CAPN10: variants seen among roughly 807,000 people sequenced by gnomAD.
CAPN10 encodes the protein calpain 10.
Under a neutral mutation model 78.4 loss-of-function variants are expected in CAPN10, and 71 were observed. That is an observed-to-expected ratio of 0.91 (90% confidence interval 0.75 to 1.10). The LOEUF (loss-of-function observed/expected upper bound fraction) is 1.10. Ranked by LOEUF, CAPN10 falls within the 50% of genes least tolerant of loss-of-function variation. CAPN10 has a pLI of 0.00. For missense variants in CAPN10, 849 were observed against 924.6 expected, an observed-to-expected ratio of 0.92 and a Z score of 1.06; for synonymous variants, 437 against 407.2, an observed-to-expected ratio of 1.07 and a Z score of -0.88.
chr2:240,597,843 T>TA (rs1559427655), intron 9 of CAPN10, 45 bp from the exon 10 acceptor site: 2 of 1,525,592 alleles, frequency 1.3e-6, no homozygotes, highest in Non-Finnish European at 1.8e-6. Context: ...CTGGGCTCCC[T>TA]ACCCCAAGGC....
Position 240,594,527 on chromosome 2 carries a change from A to G in CAPN10, c.831-16A>G. On this transcript the variant is annotated splice_polypyrimidine_tract_variant and intron_variant, in intron 5 of 11. Transcript: ENST00000391984. ...GTTCTCGGGAGGGGCTTCTGCTGAG[A>G]TGAGGTTTCTTCCAGGGGTGAAGGG... 1 of 1,607,380 alleles carries G rather than the reference A, an allele frequency of 6.2e-7. No individual in the cohort carries two copies. The highest frequency in any genetic ancestry group is 8.5e-7 in the Non-Finnish European group (1 of 1,175,610).
Position 240,598,049 on chromosome 2 carries a change from G to A in CAPN10, c.1905G>A (p.Glu635=), listed in dbSNP as rs751260208. ...CCTCCACCTACCTGCCGGACACAGAGGGGGCCTTCACAGTGACCATCGCAA... is the reference window on the plus strand; with the variant it reads ...CCTCCACCTACCTGCCGGACACAGAAGGGGCCTTCACAGTGACCATCGCAA... ...VVPSTYLPDT[E]GAFTVTIATR... The change falls in exon 10 of 12, where the codon GAG becomes GAA. Residue 635 remains glutamate (E), a synonymous_variant. Transcript: ENST00000391984. 5.6e-6 allele frequency: 9 copies of A among 1,612,538 alleles called. No individual in the cohort carries two copies. Among genetic ancestry groups the A allele is most frequent in the Non-Finnish European group, 7.6e-6 (9 of 1,179,484 alleles).
rs776869845 is a variant in CAPN10, at chr2:240,598,015, A to C, written c.1871A>C (p.Lys624Thr). ...RLCLLPAGTY[K>T]VVPSTYLPDT... is the part of the protein sequence containing the mutation. ...TGCCTCCTGCCTGCGGGCACCTACA[A>C]GGTTGTGCCCTCCACCTACCTGCCG... Residue 624 changes from lysine to threonine, a missense_variant, in exon 10 of 12, where the codon AAG (lysine) becomes ACG (threonine). By Grantham distance (78) the Lys-to-Thr change is moderately conservative (BLOSUM62 -1). Transcript: ENST00000391984. 2 of 1,613,220 alleles carry C rather than the reference A, an allele frequency of 1.2e-6. No homozygotes were observed. The highest frequency in any genetic ancestry group is 1.7e-6 in the Non-Finnish European group (2 of 1,179,928).
At chr2:240,595,411 C>T (rs1367765176) in intron 7 of CAPN10, 107 bp downstream of exon 7, 3 of 1,220,010 alleles carry the variant, frequency 2.5e-6, no homozygotes, top group South Asian at 1.4e-5. Flanking sequence ...GACTCTGCCA[C>T]GGGCCCCACC....
chr2:240,591,246 G>GA, intron 3 of CAPN10: 1 of 534,466 alleles, frequency 1.9e-6, no homozygotes, highest in Non-Finnish European at 3.3e-6. Context: ...GCCCAGCGTG[G>GA]AGTCGTTCTC....
Position 240,597,921 on chromosome 2 carries a change from C to T in CAPN10, c.1777C>T (p.Pro593Ser), listed in dbSNP as rs1318555203. Residue 593 changes from proline to serine, a missense_variant, in exon 10 of 12, where the codon CCA becomes TCA. Coordinates refer to ENST00000391984, the MANE Select transcript of CAPN10 (RefSeq NM_023083.4). The part of the protein sequence containing the change: ...PEGGRSQDAP[P>S]LLLQEPLLSC... ...GGGTGGAAGGAGCCAGGACGCACCC[C>T]CACTGCTGCTGCAGGAGCCGCTGCT... 1.2e-6 allele frequency: 2 copies of T among 1,610,842 alleles called. No individual in the cohort carries two copies. Among genetic ancestry groups the T allele is most frequent in the East Asian group, 2.2e-5 (1 of 44,758 alleles).
At position 240,596,884 on chromosome 2, in the gene CAPN10, A is replaced by G. The variant is rs2093140650; in HGVS notation, c.1685A>G (p.His562Arg). The G allele has an allele frequency of 6.2e-7, 1 of 1,613,534 alleles. No individual in the cohort carries two copies. The highest frequency in any genetic ancestry group is 8.5e-7 in the Non-Finnish European group (1 of 1,180,012). ...PGPRCVRITL[H>R]QHCRPSDTEF... ...CCCCGCTGCGTCCGCATCACTCTGC[A>G]TCAGCACTGCCGGCCCAGTGACACC... Residue 562 changes from histidine to arginine, a missense_variant, in exon 9 of 12, where the codon CAT (histidine) becomes CGT (arginine). Coordinates refer to ENST00000391984, the MANE Select transcript of CAPN10 (RefSeq NM_023083.4).
At chr2:240,593,360 G>A (rs765229117) in intron 4 of CAPN10, among the ~76,000 whole-genome samples, 3 of 152,220 alleles carry the variant, frequency 2.0e-5, no homozygotes, top group Non-Finnish European at 4.4e-5. Flanking sequence ...CCGTTGCCCC[G>A]CCACAGATGT....
chr2:240,594,505 C>T (rs1470671804), intron 5 of CAPN10, 38 bp from the exon 6 acceptor site: 7 of 1,590,590 alleles, frequency 4.4e-6, no homozygotes, highest in South Asian at 2.3e-5. Context: ...ACTACCAGTT[C>T]TCGGGAGGGG....
rs13007017 is a variant in CAPN10 at position 240,593,928 on chromosome 2, C to T, written c.711C>T (p.Phe237=). Residue 237 remains phenylalanine (F), a synonymous_variant, in exon 5 of 12, where the codon TTC becomes TTT. Coordinates refer to ENST00000391984, the MANE Select transcript of CAPN10 (RefSeq NM_023083.4). ...CAGGTGCCCGGGAGCTGGGGGAGTT[C>T]CATGCCTTCATTGTCTCGGACCTGC... The part of the protein sequence containing the change: ...PRAGARELGE[F]HAFIVSDLRE... 77,156 of 1,605,250 alleles carry T rather than the reference C, an allele frequency of 0.048. 2,243 individuals carry two copies. Among genetic ancestry groups the T allele is most frequent in the Non-Finnish European group, 0.055 (64,892 of 1,173,770 alleles).
At chr2:240,595,410 A>G (rs1163963303) in intron 7 of CAPN10, 106 bp downstream of exon 7, 4 of 1,237,860 alleles carry the variant, frequency 3.2e-6, no homozygotes, top group African/African-American at 1.5e-5. Context: ...TGACTCTGCC[A>G]CGGGCCCCAC....
At chr2:240,589,551 G>T in intron 2 of CAPN10, 77 bp downstream of exon 2, 1 of 1,515,228 alleles carries the variant, frequency 6.6e-7, no homozygotes, top group Non-Finnish European at 8.8e-7. Context: ...GTACCAGGAG[G>T]CCTTGCGAAA....
Position 240,598,924 on chromosome 2 carries a change from G to C in CAPN10, c.*244G>C. The C allele has an allele frequency of 1.7e-6, 1 of 573,898 alleles. No individual in the cohort carries two copies. Among genetic ancestry groups the C allele is most frequent in the South Asian group, 2.3e-5 (1 of 44,400 alleles). The allele number at this position is 573,898 out of a possible 1,614,324, so 35.6% of individuals were successfully genotyped here. On this transcript the variant is annotated 3_prime_UTR_variant, in exon 12 of 12. Transcript: ENST00000391984. Reference sequence around the variant, plus strand: ...GCTTGCTGGCTTCTGTTGCGCCACTGAGACGGCAGAGACCCCAGGATCCCA... The same window carrying C: ...GCTTGCTGGCTTCTGTTGCGCCACTCAGACGGCAGAGACCCCAGGATCCCA...
In CAPN10 at chr2:240,595,224, G is replaced by A; in HGVS notation, c.1198G>A (p.Val400Met). 6.2e-7 allele frequency: 1 copy of A among 1,613,698 alleles called. No homozygotes were observed. Among genetic ancestry groups the A allele is most frequent in the Non-Finnish European group, 8.5e-7 (1 of 1,180,038 alleles). ...CTGGGCAGGCCGGGCCCGGGCACTGGTGGGTGACAGTCATACTTCGTGGAG... is the reference window on the plus strand; with the variant it reads ...CTGGGCAGGCCGGGCCCGGGCACTGATGGGTGACAGTCATACTTCGTGGAG... ...ADWAGRARAL[V>M]GDSHTSWSPA... The change falls in exon 7 of 12, where the codon GTG becomes ATG. Residue 400 changes from valine (V) to methionine (M), a missense_variant. By Grantham distance (21) the Val-to-Met change is conservative. Transcript: ENST00000391984.
chr2:240,594,805 G>T, intron 6 of CAPN10, 96 bp downstream of exon 6: 2 of 974,762 alleles, frequency 2.1e-6, no homozygotes, highest in Non-Finnish European at 1.3e-6. Context: ...GGCCCAGTTT[G>T]GTTCTCTTCA....
At position 240,595,093 on chromosome 2, in the gene CAPN10, G is replaced by T. The variant is rs371934367; in HGVS notation, c.1067G>T (p.Arg356Leu). The T allele has an allele frequency of 6.2e-7, 1 of 1,613,816 alleles. No homozygotes were observed. Among genetic ancestry groups the T allele is most frequent in the South Asian group, 1.1e-5 (1 of 91,090 alleles). The change falls in exon 7 of 12, where the codon CGG (arginine) becomes CTG (leucine). Residue 356 changes from arginine to leucine, a missense_variant. Transcript: ENST00000391984. ...WVKGQSAGGC[R>L]NNSGFPSNPK... is the part of the protein sequence containing the mutation. ...AAGGGCCAGTCAGCAGGAGGCTGCC[G>T]GAACAACAGCGGCTTTCCCAGCAAC...
Position 240,592,014 on chromosome 2 carries a change from A to T in CAPN10, c.552A>T (p.Arg184Ser), listed in dbSNP as rs141175141. The change falls in exon 4 of 12, where the codon AGA (arginine) becomes AGT (serine). Residue 184 changes from arginine to serine, a missense_variant. Physicochemically the swap from Arg to Ser is moderately radical, Grantham distance 110 (BLOSUM62 -1). Coordinates refer to ENST00000391984, the MANE Select transcript of CAPN10 (RefSeq NM_023083.4). ...LVDLTGGLAE[R>S]WNLKGVAGSG... ...ACCTGACCGGCGGCCTGGCAGAAAGATGGAACCTGAAGGGCGTAGCAGGAA... is the reference window on the plus strand; with the variant it reads ...ACCTGACCGGCGGCCTGGCAGAAAGTTGGAACCTGAAGGGCGTAGCAGGAA... 151 of 1,613,200 alleles carry T rather than the reference A, an allele frequency of 9.4e-5. No individual in the cohort carries two copies. The highest frequency in any genetic ancestry group is 1.3e-4 in the Non-Finnish European group (148 of 1,180,012).
chr2:240,596,525 A>G lies in CAPN10; in HGVS notation c.1481+4A>G. 1 of 1,599,438 alleles carries G rather than the reference A, an allele frequency of 6.3e-7. No individual in the cohort carries two copies. Among genetic ancestry groups the G allele is most frequent in the Non-Finnish European group, 8.5e-7 (1 of 1,170,106 alleles). ...CTACCGGGCGAGTCTCCCTTAGGTG[A>G]GAGGAACCGCGCAGTGCTGCTGGCT... On this transcript the variant is annotated splice_donor_region_variant and intron_variant, in intron 8 of 11. Coordinates refer to ENST00000391984, the MANE Select transcript of CAPN10 (RefSeq NM_023083.4).
intron 6 of CAPN10, 87 bp downstream of exon 6, chr2:240,594,796 G>A: frequency 7.0e-7 from 1 of 1,420,458 alleles, no homozygotes; most frequent in Non-Finnish European, 9.6e-7. Flanking sequence ...CCCTGCCCAG[G>A]CCCAGTTTGG....
Sources: gnomAD v4.1 joint callset for allele counts (sites outside exome capture counted in the v4.1 genomes callset) on GRCh38, gnomAD v4.1.1 for gene constraint, MANE v1.5 for transcripts, NCBI Gene and HGNC (gene_info 2026-07-23, HGNC 2026-07-21) for gene names.